Variants in CUX2 observed in about 807,000 individuals in gnomAD.
The protein encoded by CUX2 is cut like homeobox 2.
Under a neutral mutation model 144.8 loss-of-function variants are expected in CUX2, and 40 were observed. The observed-to-expected ratio is 0.28, with a 90% CI of 0.21 to 0.36. The LOEUF is 0.36. Among genes scored for constraint, CUX2 ranks in the 10% least tolerant of loss-of-function variants. The pLI, the probability that CUX2 is intolerant of heterozygous loss-of-function variation, is 1.00. For missense variants in CUX2, 1,615 were observed against 1,994.0 expected (o/e 0.81, Z 3.62); for synonymous variants, 827 against 875.6 (o/e 0.94, Z 0.98).
chr12:111,110,404 A>C (rs1030050071), intron 1 of CUX2, among the ~76,000 whole-genome samples: 1 of 152,148 alleles, frequency 6.6e-6, no homozygotes, highest in African/African-American at 2.4e-5. Context: ...TCCCCCAGCA[A>C]ATCCAGACCA....
chr12:111,140,876 A>G (rs1223208147), intron 1 of CUX2, among the ~76,000 whole-genome samples: 1 of 152,206 alleles, frequency 6.6e-6, no homozygotes, highest in Non-Finnish European at 1.5e-5. Context: ...TCCTTGGCTC[A>G]GTGTTCCCAC....
At position 111,331,243 on chromosome 12, in the gene CUX2, G is replaced by A. The variant is rs541383980; in HGVS notation, c.2927-3198G>A. ...TGATCCGAGTGACCAACTCACCCAC[G>A]ACAGAGAAGGAAGGAACCCATCCTG... On this transcript the variant is annotated intron_variant, in intron 18 of 21. Coordinates refer to ENST00000261726, the MANE Select transcript of CUX2 (RefSeq NM_015267.4). 3.9e-5 allele frequency among the ~76,000 whole-genome samples: 6 copies of A among 152,256 alleles called. No individual in the cohort carries two copies. The East Asian group carries it at 9.6e-4, about 24-fold the overall frequency.
intron 1 of CUX2, among the ~76,000 whole-genome samples, chr12:111,195,990 T>A (rs1370686589): frequency 6.6e-6 from 1 of 152,132 alleles, no homozygotes; most frequent in Non-Finnish European, 1.5e-5. Flanking sequence ...CCAAAAAAGA[T>A]CTTTTGGGTC....
intron 1 of CUX2, among the ~76,000 whole-genome samples, chr12:111,209,126 C>A (rs879436200): frequency 6.6e-6 from 1 of 152,186 alleles, no homozygotes; most frequent in Admixed American, 6.5e-5. Flanking sequence ...GAACGTTCTA[C>A]ATCTTGAACT....
At chr12:111,142,657 G>A (rs1252225417) in intron 1 of CUX2, among the ~76,000 whole-genome samples, 7 of 152,002 alleles carry the variant, frequency 4.6e-5, no homozygotes, top group African/African-American at 1.7e-4. Context: ...TTTGTTAACA[G>A]CAAAATATGT....
chr12:111,092,232 C>T (rs960635082), intron 1 of CUX2, among the ~76,000 whole-genome samples: 3 of 152,136 alleles, frequency 2.0e-5, no homozygotes, highest in Non-Finnish European at 2.9e-5. Flanking sequence ...AATGTCTCCC[C>T]CATCCGCAGG....
rs1000778825 is a variant in CUX2, at chr12:111,246,277, C to A, written c.223-17484C>A. 2.0e-5 allele frequency among the ~76,000 whole-genome samples: 3 copies of A among 152,248 alleles called. No individual in the cohort carries two copies. Among genetic ancestry groups the A allele is most frequent in the African/African-American group, 7.2e-5 (3 of 41,468 alleles). On this transcript the variant is annotated intron_variant, in intron 3 of 21. Transcript: ENST00000261726. This position sits in a 1 kb window ranked among gnomAD's most constrained non-coding sequence, Gnocchi z 4.0. The stretch of plus-strand genomic sequence containing the variant: ...TGCCATGGTGGGAGTATTTACACCA[C>A]AGCCATTGGCAGACACTACAAATCA...
At position 111,347,576 on chromosome 12, in the gene CUX2, C is replaced by T. The variant is rs745812643; in HGVS notation, c.3712C>T (p.Leu1238Phe). Reference sequence around the variant, plus strand: ...GGAGGGGACCCAGGATGAGCCAGACCTTGATCCAAGCGGGGGTCCTGGAAT... The same window carrying T: ...GGAGGGGACCCAGGATGAGCCAGACTTTGATCCAAGCGGGGGTCCTGGAAT... Reference protein sequence around the residue: ...LVEGTQDEPDLDPSGGPGILP... With the variant: ...LVEGTQDEPDFDPSGGPGILP... Residue 1238 changes from leucine to phenylalanine, a missense_variant, in exon 22 of 22, where the codon CTT becomes TTT. Leu to Phe is a conservative substitution (Grantham distance 22). Transcript: ENST00000261726. 1 of 1,612,892 alleles carries T rather than the reference C, an allele frequency of 6.2e-7. No homozygotes were observed. The highest frequency in any genetic ancestry group is 8.5e-7 in the Non-Finnish European group (1 of 1,179,592).
intron 1 of CUX2, among the ~76,000 whole-genome samples, chr12:111,119,063 C>T (rs1874470148): frequency 6.6e-6 from 1 of 152,234 alleles, no homozygotes. Flanking sequence ...GAAACTTTCT[C>T]AGTTTTCCCA....
intron 1 of CUX2, among the ~76,000 whole-genome samples, chr12:111,169,260 A>G (rs752757161): frequency 7.2e-5 from 11 of 152,108 alleles, no homozygotes; most frequent in South Asian, 6.3e-4. Flanking sequence ...CGCGACCACC[A>G]GCAGCTGGAG....
rs143380584 is a variant in CUX2, at chr12:111,039,097, T to C, written c.63+4857T>C. ...GTGCTAAATATATGGTCCTGGATGA[T>C]GGTAGACAAGGCTGCCCAGAAACTG... On this transcript the variant is annotated intron_variant, in intron 1 of 21. Transcript: ENST00000261726. The surrounding 1 kb of genome is among the most constrained non-coding windows in gnomAD (Gnocchi z 4.2). 5.3e-4 allele frequency among the ~76,000 whole-genome samples: 81 copies of C among 152,266 alleles called. No individual in the cohort carries two copies. In the East Asian group the frequency reaches 9.2e-3, roughly 17 times the overall value.
intron 1 of CUX2, among the ~76,000 whole-genome samples, chr12:111,121,852 C>T (rs1476878107): frequency 6.6e-6 from 1 of 151,978 alleles, no homozygotes; most frequent in Admixed American, 6.6e-5. Context: ...GGGGTAAGGT[C>T]TTGCCTTTCC....
At chr12:111,226,388 C>T (rs1457426046) in intron 3 of CUX2, among the ~76,000 whole-genome samples, 3 of 152,154 alleles carry the variant, frequency 2.0e-5, no homozygotes, top group South Asian at 2.1e-4. Flanking sequence ...AACATCCTTC[C>T]GAATTTAATA....
chr12:111,327,844 G>A (rs1278819528), intron 18 of CUX2, among the ~76,000 whole-genome samples: 1 of 152,116 alleles, frequency 6.6e-6, no homozygotes, highest in African/African-American at 2.4e-5. Flanking sequence ...ATCACTTGAG[G>A]TCAGGAGTTT....
Position 111,071,873 on chromosome 12 carries a change from T to C in CUX2, c.63+37633T>C, listed in dbSNP as rs78350811. 7.7e-3 allele frequency among the ~76,000 whole-genome samples: 1,168 copies of C among 152,328 alleles called. 19 individuals carry two copies. Among genetic ancestry groups the C allele is most frequent in the African/African-American group, 0.026 (1,090 of 41,570 alleles). Reference sequence around the variant, plus strand: ...GCACCATTTGTTGAAAAGACAAATATCTCTTCTCCATTTTATTGCCTTTGC... The same window carrying C: ...GCACCATTTGTTGAAAAGACAAATACCTCTTCTCCATTTTATTGCCTTTGC... On this transcript the variant is annotated intron_variant, in intron 1 of 21. Coordinates refer to ENST00000261726, the MANE Select transcript of CUX2 (RefSeq NM_015267.4).
At chr12:111,134,396 A>G (rs1875703999) in intron 1 of CUX2, among the ~76,000 whole-genome samples, 1 of 152,224 alleles carries the variant, frequency 6.6e-6, no homozygotes, top group South Asian at 2.1e-4. Context: ...AATAAACACC[A>G]TGGACTATCA....
chr12:111,332,112 T>G (rs1055359907), intron 18 of CUX2, among the ~76,000 whole-genome samples: 14 of 150,932 alleles, frequency 9.3e-5, no homozygotes, highest in African/African-American at 3.2e-4. Flanking sequence ...AAAATGTAGT[T>G]TAAAAATCTG....
chr12:111,312,269 C>G lies in CUX2; in HGVS notation c.2002+68C>G. ...CAGCTGCGAACAGGAGATGAGGCTT[C>G]GTCTACCTTTGTCCACCCCAGAGGG... On this transcript the variant is annotated intron_variant, in intron 16 of 21. Transcript: ENST00000261726. The surrounding 1 kb of genome is among the most constrained non-coding windows in gnomAD (Gnocchi z 4.3). The G allele has an allele frequency of 7.2e-7, 1 of 1,391,986 alleles. No individual in the cohort carries two copies. Among genetic ancestry groups the G allele is most frequent in the South Asian group, 1.3e-5 (1 of 79,706 alleles). 86.2% of individuals were successfully genotyped at this position (1,391,986 alleles called of 1,614,324 possible).
chr12:111,082,067 AAGG>A (rs1454075975), intron 1 of CUX2, among the ~76,000 whole-genome samples: 1 of 152,118 alleles, frequency 6.6e-6, no homozygotes, highest in East Asian at 1.9e-4. Flanking sequence ...TGGCTTTCTT[AAGG>A]AGGATTTTAG....
Sources: gnomAD v4.1 joint callset for allele counts (sites outside exome capture counted in the v4.1 genomes callset) on GRCh38, gnomAD v4.1.1 for gene constraint, Gnocchi (gnomAD v3.1) non-coding constraint, MANE v1.5 for transcripts, NCBI Gene and HGNC (gene_info 2026-07-23, HGNC 2026-07-21) for gene names.